TENM3: variants seen among roughly 807,000 people sequenced by gnomAD.
TENM3 encodes teneurin transmembrane protein 3.
In TENM3, 63 loss-of-function variants were observed where a neutral mutation model predicts 255.1. The ratio of observed to expected loss-of-function variants is 0.25; its 90% confidence interval spans 0.20 to 0.30. TENM3 has a LOEUF of 0.30. Among genes scored for constraint, TENM3 ranks in the 10% least tolerant of loss-of-function variants. The probability of loss-of-function intolerance (pLI) is 1.00; values close to 1 mark genes in which losing one functional copy is unlikely to be tolerated. For missense variants in TENM3, 2,929 were observed against 3,461.1 expected (o/e 0.85, Z 3.86); for synonymous variants, 1,306 against 1,322.3 (o/e 0.99, Z 0.27).
the TENM3 span, among the ~76,000 whole-genome samples, chr4:181,578,160 C>G: frequency 6.6e-6 from 1 of 152,196 alleles, no homozygotes; most frequent in African/African-American, 2.4e-5. Context: ...GTGGAAGGGT[C>G]AAGGACTCCG....
intron 1 of TENM3, among the ~76,000 whole-genome samples, chr4:182,149,003 C>T (rs1484296861): frequency 4.0e-5 from 6 of 151,844 alleles, no homozygotes; most frequent in South Asian, 2.1e-4. Context: ...TATATATCAA[C>T]GTATATCCGT....
At chr4:181,982,258 C>G in the TENM3 span, among the ~76,000 whole-genome samples, 1 of 152,044 alleles carries the variant, frequency 6.6e-6, no homozygotes, top group African/African-American at 2.4e-5. Flanking sequence ...ACAAAAAGAC[C>G]ACGTTGAACA....
upstream of TENM3, among the ~76,000 whole-genome samples, chr4:182,239,071 G>A (rs1233429582): frequency 0.012 from 1,416 of 120,734 alleles, 20 homozygotes; most frequent in African/African-American, 0.042. Flanking sequence ...GTGTGTGTGT[G>A]TGTATTTTTT....
At chr4:182,527,517 A>G (rs1324068526) in intron 3 of TENM3, among the ~76,000 whole-genome samples, 1 of 151,984 alleles carries the variant, frequency 6.6e-6, no homozygotes, top group Non-Finnish European at 1.5e-5. Flanking sequence ...CTAATGATGT[A>G]CCTGTATGTA....
the TENM3 span, among the ~76,000 whole-genome samples, chr4:182,121,707 A>G: frequency 1.3e-5 from 2 of 152,230 alleles, no homozygotes; most frequent in African/African-American, 2.4e-5. Context: ...TCAGCAAGCC[A>G]TAATATTTTT....
chr4:181,641,731 T>TTA, the TENM3 span, among the ~76,000 whole-genome samples: 1 of 119,646 alleles, frequency 8.4e-6, no homozygotes, highest in Admixed American at 1.0e-4. Context: ...GTATAATAAA[T>TTA]TATATATATA....
At chr4:182,183,156 AG>A (rs1752944265) in intron 1 of TENM3, among the ~76,000 whole-genome samples, 2 of 152,334 alleles carry the variant, frequency 1.3e-5, no homozygotes, top group African/African-American at 4.8e-5. Flanking sequence ...CAGAAAATTA[AG>A]GGTGAAATTT....
At chr4:182,312,234 G>A (rs1363663770) in intron 1 of TENM3, among the ~76,000 whole-genome samples, 1 of 152,168 alleles carries the variant, frequency 6.6e-6, no homozygotes, top group Non-Finnish European at 1.5e-5. Flanking sequence ...GGTGGCTCAC[G>A]CCTGTAGTCC....
chr4:182,328,522 C>G (rs762533129), intron 2 of TENM3, among the ~76,000 whole-genome samples: 1 of 146,068 alleles, frequency 6.8e-6, no homozygotes, highest in Non-Finnish European at 1.5e-5. Context: ...GGCCAGGACT[C>G]TGTTTTTAAA....
At position 182,801,707 on chromosome 4, in the gene TENM3, C is replaced by CT. The variant is rs535314732; in HGVS notation, c.*1357dup. On this transcript the variant is annotated 3_prime_UTR_variant, in exon 28 of 28. Coordinates refer to ENST00000511685, the MANE Select transcript of TENM3 (RefSeq NM_001080477.4). ...CCAGATGGAGCCGGTCAGGGTTACT[C>CT]TAAGCCCACATGACCAAACCATCTT... 2.6e-5 allele frequency: 4 copies of CT among 152,182 alleles called. No individual in the cohort carries two copies. The highest frequency in any genetic ancestry group is 4.1e-4 in the South Asian group (2 of 4,820). 9.4% of individuals were successfully genotyped at this position (152,182 alleles called of 1,614,324 possible).
At chr4:182,690,151 C>T (rs1385927784) in intron 12 of TENM3, among the ~76,000 whole-genome samples, 2 of 152,162 alleles carry the variant, frequency 1.3e-5, no homozygotes, top group African/African-American at 4.8e-5. Flanking sequence ...AGATCAGGCC[C>T]ACTGTTAGCT....
chr4:181,874,199 G>A, the TENM3 span, among the ~76,000 whole-genome samples: 16 of 152,204 alleles, frequency 1.1e-4, no homozygotes, highest in South Asian at 2.1e-4. Flanking sequence ...GATTACAGGC[G>A]TGAGCCACTG....
intron 7 of TENM3, 27 bp from the exon 8 acceptor site, chr4:182,679,639 G>C (rs967912396): frequency 1.3e-6 from 2 of 1,571,040 alleles, no homozygotes; most frequent in Non-Finnish European, 1.7e-6. Context: ...TTATCTTTCT[G>C]ACTATTTTTC....
At chr4:182,709,897 A>G (rs1046677903) in intron 12 of TENM3, among the ~76,000 whole-genome samples, 1 of 152,164 alleles carries the variant, frequency 6.6e-6, no homozygotes, top group African/African-American at 2.4e-5. Flanking sequence ...GTATTATGTT[A>G]ATTTTGACCG....
At chr4:182,107,923 A>G in the TENM3 span, among the ~76,000 whole-genome samples, 1 of 152,204 alleles carries the variant, frequency 6.6e-6, no homozygotes, top group South Asian at 2.1e-4. Flanking sequence ...ATACAATAAA[A>G]TGCTTAGCAT....
intron 6 of TENM3, among the ~76,000 whole-genome samples, chr4:182,662,852 C>A (rs1039720538): frequency 7.9e-5 from 12 of 152,162 alleles, no homozygotes; most frequent in Non-Finnish European, 1.8e-4. Context: ...TTTGAAAATG[C>A]TAACAGGAAT....
chr4:181,454,695 G>GTTTTTTT, the TENM3 span, among the ~76,000 whole-genome samples: 4 of 18,728 alleles, frequency 2.1e-4, no homozygotes, highest in African/African-American at 1.1e-3. Context: ...TTTTTTTCTG[G>GTTTTTTT]TGTGCCTTTT....
At chr4:182,310,861 C>T (rs1472507581) in intron 1 of TENM3, among the ~76,000 whole-genome samples, 1 of 152,108 alleles carries the variant, frequency 6.6e-6, no homozygotes, top group African/African-American at 2.4e-5. Flanking sequence ...CGTGTGTCAC[C>T]AGGCCCAACT....
At chr4:182,650,925 A>AT (rs1561056446) in intron 5 of TENM3, among the ~76,000 whole-genome samples, 109 of 18,782 alleles carry the variant, frequency 5.8e-3, no homozygotes, top group Admixed American at 0.012. Context: ...TATATATATA[A>AT]AACAAAGCTG....
Sources: allele counts gnomAD v4.1 joint callset (sites outside exome capture counted in the v4.1 genomes callset), GRCh38; gene constraint gnomAD v4.1.1; transcripts MANE v1.5; gene names NCBI Gene and HGNC (gene_info 2026-07-23, HGNC 2026-07-21).